BMAL2: variants seen among roughly 807,000 people sequenced by gnomAD.
The protein encoded by BMAL2 is basic helix-loop-helix ARNT like 2.
chr12:27,404,184 CAAA>C, the BMAL2 span, among the ~76,000 whole-genome samples: 6 of 78,296 alleles, frequency 7.7e-5, no homozygotes, highest in African/African-American at 9.2e-5. Context: ...GACCCTGTCT[CAAA>C]AAAAAAAAAA....
chr12:27,380,151 G>A, the BMAL2 span: 6 of 1,246,666 alleles, frequency 4.8e-6, no homozygotes, highest in Admixed American at 4.0e-5. Flanking sequence ...AACAGTGTGT[G>A]CCTGCTGGGC....
the BMAL2 span, among the ~76,000 whole-genome samples, chr12:27,379,759 G>A: frequency 3.3e-5 from 5 of 152,216 alleles, no homozygotes; most frequent in African/African-American, 1.2e-4. Context: ...GTTTGCTGAG[G>A]GGGGAAGACG....
At chr12:27,393,211 G>T in the BMAL2 span, among the ~76,000 whole-genome samples, 4 of 152,144 alleles carry the variant, frequency 2.6e-5, no homozygotes, top group Non-Finnish European at 5.9e-5. Flanking sequence ...TTCTCTTGTG[G>T]CCTGATCTTC....
chr12:27,337,353 AT>A, the BMAL2 span, among the ~76,000 whole-genome samples: 2 of 152,198 alleles, frequency 1.3e-5, no homozygotes, highest in Non-Finnish European at 1.5e-5. Flanking sequence ...ACTTTATCAT[AT>A]TTTCCAAGCA....
the BMAL2 span, among the ~76,000 whole-genome samples, chr12:27,412,790 A>C: frequency 1.3e-5 from 2 of 151,910 alleles, no homozygotes; most frequent in African/African-American, 4.8e-5. Context: ...AAGCCCAAAG[A>C]ACCCCAAATA....
At chr12:27,373,231 T>C in the BMAL2 span, among the ~76,000 whole-genome samples, 1 of 152,166 alleles carries the variant, frequency 6.6e-6, no homozygotes, top group East Asian at 1.9e-4. Flanking sequence ...ATAGGATCAA[T>C]AGGACTTCAT....
chr12:27,380,559 T>C, the BMAL2 span, among the ~76,000 whole-genome samples: 1 of 152,232 alleles, frequency 6.6e-6, no homozygotes, highest in East Asian at 1.9e-4. Context: ...ATAGTCTGTA[T>C]GTGGAGAGAA....
the BMAL2 span, among the ~76,000 whole-genome samples, chr12:27,377,892 A>G: frequency 6.6e-6 from 1 of 152,140 alleles, no homozygotes; most frequent in Non-Finnish European, 1.5e-5. Flanking sequence ...CCGAGGGTGA[A>G]TGGTTGGGGC....
chr12:27,346,336 C>T, the BMAL2 span, among the ~76,000 whole-genome samples: 2 of 152,236 alleles, frequency 1.3e-5, no homozygotes, highest in African/African-American at 4.8e-5. Context: ...TCTCAGCTCA[C>T]TGCACCCTCT....
chr12:27,420,248 A>T, the BMAL2 span: 1 of 913,050 alleles, frequency 1.1e-6, no homozygotes, highest in Non-Finnish European at 1.7e-6. Context: ...AGCTTAAGAT[A>T]TATACTTTGC....
chr12:27,368,139 G>A, the BMAL2 span: 13 of 1,194,250 alleles, frequency 1.1e-5, no homozygotes, highest in Non-Finnish European at 1.5e-5. Context: ...CACAGCGCCT[G>A]GCCTTAGCTG....
the BMAL2 span, among the ~76,000 whole-genome samples, chr12:27,352,386 CAACA>C: frequency 8.6e-3 from 1,310 of 152,328 alleles, 19 homozygotes; most frequent in African/African-American, 0.03. Context: ...CAGTCAACCT[CAACA>C]AACTAGGCAT....
chr12:27,333,282 C>T, the BMAL2 span: 1 of 601,276 alleles, frequency 1.7e-6, no homozygotes, highest in Non-Finnish European at 2.3e-6. Context: ...CCGTGGGGCA[C>T]AGGTGCGGCG....
At chr12:27,396,508 G>A in the BMAL2 span, among the ~76,000 whole-genome samples, 1 of 152,138 alleles carries the variant, frequency 6.6e-6, no homozygotes, top group Non-Finnish European at 1.5e-5. Flanking sequence ...TGTATGCCAT[G>A]CCACCTACTA....
At chr12:27,365,639 T>C in the BMAL2 span, among the ~76,000 whole-genome samples, 2 of 151,926 alleles carry the variant, frequency 1.3e-5, no homozygotes, top group African/African-American at 4.8e-5. Flanking sequence ...TCATTCCATC[T>C]AAATTTTTAA....
the BMAL2 span, chr12:27,387,409 C>G: frequency 1.2e-6 from 1 of 844,428 alleles, no homozygotes; most frequent in South Asian, 1.5e-5. Flanking sequence ...CACCTTCTCC[C>G]CACTGGGATA....
chr12:27,333,422 G>A, the BMAL2 span, among the ~76,000 whole-genome samples: 1 of 152,244 alleles, frequency 6.6e-6, no homozygotes, highest in African/African-American at 2.4e-5. Context: ...GGGGGACCTT[G>A]CACCCGGCGC....
the BMAL2 span, among the ~76,000 whole-genome samples, chr12:27,338,490 GA>G: frequency 6.6e-6 from 1 of 152,048 alleles, no homozygotes; most frequent in Non-Finnish European, 1.5e-5. Flanking sequence ...AAAGGTTTGG[GA>G]GGGGGTCTTC....
the BMAL2 span, among the ~76,000 whole-genome samples, chr12:27,354,608 T>C: frequency 6.6e-6 from 1 of 152,224 alleles, no homozygotes; most frequent in African/African-American, 2.4e-5. Context: ...AGTCAACACA[T>C]TGTTTTGTGC....
Sources: allele counts gnomAD v4.1 joint callset (sites outside exome capture counted in the v4.1 genomes callset), GRCh38; gene constraint gnomAD v4.1.1; transcripts MANE v1.5; gene names NCBI Gene and HGNC (gene_info 2026-07-23, HGNC 2026-07-21).